CSNK1G1: variants seen among roughly 807,000 people sequenced by gnomAD.
CSNK1G1 encodes casein kinase I isoform gamma-1.
Under a neutral mutation model 59.6 loss-of-function variants are expected in CSNK1G1, and 22 were observed. The ratio of observed to expected loss-of-function variants is 0.37; its 90% CI spans 0.26 to 0.53. The LOEUF (loss-of-function observed/expected upper bound fraction) is 0.53, where lower values mean the gene tolerates loss of function less well. Among genes scored for constraint, CSNK1G1 ranks in the 20% least tolerant of loss-of-function variants. The pLI is 0.89. For synonymous variants in CSNK1G1, 179 were observed against 177.1 expected (o/e 1.01, Z -0.08); for missense variants, 384 against 519.5 (o/e 0.74, Z 2.54).
chr15:64,344,170 C>T (rs966445544), intron 1 of CSNK1G1, among the ~76,000 whole-genome samples: 4 of 152,164 alleles, frequency 2.6e-5, no homozygotes, highest in African/African-American at 9.6e-5. Flanking sequence ...CCATTAAAGA[C>T]TGTTTCAAAA....
chr15:64,318,144 A>C (rs942548760), intron 1 of CSNK1G1, among the ~76,000 whole-genome samples: 5 of 151,696 alleles, frequency 3.3e-5, no homozygotes, highest in African/African-American at 1.2e-4. Context: ...ATTTATATAA[A>C]AATTTTTACA....
At chr15:64,332,954 T>C (rs897884624) in intron 1 of CSNK1G1, among the ~76,000 whole-genome samples, 3 of 152,056 alleles carry the variant, frequency 2.0e-5, no homozygotes, top group Non-Finnish European at 4.4e-5. Flanking sequence ...GAGGGAATAA[T>C]TGAAGAAAAT....
At chr15:64,277,958 T>TGAATAATATATTAATATTGATATATTC (rs1893831828) in intron 2 of CSNK1G1, among the ~76,000 whole-genome samples, 1 of 145,586 alleles carries the variant, frequency 6.9e-6, no homozygotes, top group African/African-American at 2.5e-5. Context: ...TTGATATAGT[T>TGAATAATATATTAATATTGATATATTC]GAATAATATA....
At position 64,216,338 on chromosome 15, in the gene CSNK1G1, G is replaced by A. The variant is rs1009505047; in HGVS notation, c.444+224C>T. Among the ~76,000 whole-genome samples the A allele has an allele frequency of 1.3e-5, 2 of 152,170 alleles. No individual in the cohort carries two copies. The highest frequency in any genetic ancestry group is 1.3e-4 in the Admixed American group (2 of 15,276). ...TATACTTCCTCTTCAGTTAAGGGCA[G>A]AGCATTGCTCCAAGGTGCAAAGTCT... On this transcript the variant is annotated intron_variant, in intron 5 of 11. Coordinates refer to ENST00000303052, the MANE Select transcript of CSNK1G1 (RefSeq NM_022048.5). The surrounding 1 kb of genome is among the most constrained non-coding windows in gnomAD (Gnocchi z 4.6).
At chr15:64,264,136 GATAATCCTAA>G (rs1171837171) in intron 2 of CSNK1G1, among the ~76,000 whole-genome samples, 2 of 152,132 alleles carry the variant, frequency 1.3e-5, no homozygotes, top group Non-Finnish European at 2.9e-5. Context: ...TAAGATTATA[GATAATCCTAA>G]ATGCAAATAT....
At chr15:64,215,225 T>G (rs1443709287) in intron 5 of CSNK1G1, among the ~76,000 whole-genome samples, 1 of 143,446 alleles carries the variant, frequency 7.0e-6, no homozygotes, top group Non-Finnish European at 1.5e-5. Flanking sequence ...TTTTTTTTTT[T>G]TTTTTGAGAT....
chr15:64,169,073 G>T lies in CSNK1G1; in HGVS notation c.*2858C>A, dbSNP rs960684136. 6.6e-6 allele frequency: 1 copy of T among 152,512 alleles called. No individual in the cohort carries two copies. 9.4% of individuals were successfully genotyped at this position (152,512 alleles called of 1,614,324 possible). ...AAAATTTTAAGACAAAAAAAAAGTC[G>T]CAAATCCAGCTGCAAGGCAGCTTGC... On this transcript the variant is annotated 3_prime_UTR_variant, in exon 12 of 12. Transcript: ENST00000303052.
At position 64,300,667 on chromosome 15, in the gene CSNK1G1, T is replaced by G; in HGVS notation, c.-168A>C. ...CTCCGGGAGATGAAAAACCATTTAT[T>G]TGTTCCCGTAGGAAATGTAGTCACT... On this transcript the variant is annotated 5_prime_UTR_variant, in exon 2 of 12. Coordinates refer to ENST00000303052, the MANE Select transcript of CSNK1G1 (RefSeq NM_022048.5). 1 of 1,286,720 alleles carries G rather than the reference T, an allele frequency of 7.8e-7. No homozygotes were observed. The allele number at this position is 1,286,720 out of a possible 1,614,324, so 79.7% of individuals were successfully genotyped here.
At chr15:64,292,325 A>C (rs138613301) in intron 2 of CSNK1G1, among the ~76,000 whole-genome samples, 1,687 of 152,336 alleles carry the variant, frequency 0.011, 17 homozygotes, top group Middle Eastern at 0.031. Context: ...TCACAGAAAT[A>C]AGTGTCTTAC....
At chr15:64,276,267 T>C (rs1268873833) in intron 2 of CSNK1G1, among the ~76,000 whole-genome samples, 1 of 152,158 alleles carries the variant, frequency 6.6e-6, no homozygotes, top group Non-Finnish European at 1.5e-5. Context: ...GCAGAAAAAC[T>C]GGAGTGAATC....
At chr15:64,333,074 T>G (rs1361467114) in intron 1 of CSNK1G1, among the ~76,000 whole-genome samples, 8 of 148,044 alleles carry the variant, frequency 5.4e-5, no homozygotes, top group African/African-American at 2.0e-4. Context: ...CTAGCCAACA[T>G]GGTGAAATCC....
intron 1 of CSNK1G1, among the ~76,000 whole-genome samples, chr15:64,330,046 C>CA (rs1343731978): frequency 6.8e-6 from 1 of 146,042 alleles, no homozygotes; most frequent in African/African-American, 2.5e-5. Flanking sequence ...GTTTACCAAC[C>CA]AAAAAGAGTC....
intron 2 of CSNK1G1, among the ~76,000 whole-genome samples, chr15:64,270,313 T>C (rs1181436557): frequency 1.3e-5 from 2 of 152,230 alleles, no homozygotes; most frequent in Admixed American, 1.3e-4. Flanking sequence ...GGTTCATCTC[T>C]GATTTTGGTT....
chr15:64,248,147 G>C (rs1308984878), intron 4 of CSNK1G1, among the ~76,000 whole-genome samples: 2 of 152,124 alleles, frequency 1.3e-5, no homozygotes, highest in Non-Finnish European at 2.9e-5. Flanking sequence ...TGGCATATGC[G>C]CACTGGCTGC....
chr15:64,316,323 G>A (rs962137607), intron 1 of CSNK1G1, among the ~76,000 whole-genome samples: 2 of 152,008 alleles, frequency 1.3e-5, no homozygotes, highest in Non-Finnish European at 2.9e-5. Flanking sequence ...CATCACTTGA[G>A]GCCAGGAGTT....
chr15:64,268,482 A>G (rs1893101238), intron 2 of CSNK1G1, among the ~76,000 whole-genome samples: 1 of 152,212 alleles, frequency 6.6e-6, no homozygotes, highest in Admixed American at 6.5e-5. Context: ...GAGAAAAAAA[A>G]TCAATTCCCA....
rs945156270 is a variant in CSNK1G1 at position 64,167,568 on chromosome 15, T to C, written c.*4363A>G. On this transcript the variant is annotated 3_prime_UTR_variant, in exon 12 of 12. Transcript: ENST00000303052. ...GTTTCTGGAATTCATCTGCCCACCATAGGGCAATGGTGGGGATGGTGGCAG... is the reference window on the plus strand; with the variant it reads ...GTTTCTGGAATTCATCTGCCCACCACAGGGCAATGGTGGGGATGGTGGCAG... 13 of 152,786 alleles carry C rather than the reference T, an allele frequency of 8.5e-5. No homozygotes were observed. The highest frequency in any genetic ancestry group is 3.1e-4 in the African/African-American group (13 of 41,580). 9.5% of individuals were successfully genotyped at this position (152,786 alleles called of 1,614,324 possible).
chr15:64,204,728 G>A, intron 8 of CSNK1G1, 137 bp downstream of exon 8: 6 of 1,178,472 alleles, frequency 5.1e-6, no homozygotes, highest in South Asian at 1.3e-5. Context: ...AAATAAAAGT[G>A]ATAAAACCTA....
intron 1 of CSNK1G1, 116 bp downstream of exon 1, chr15:64,355,872 G>A (rs1898641234): frequency 6.7e-6 from 1 of 150,334 alleles, no homozygotes; most frequent in Non-Finnish European, 1.5e-5. Flanking sequence ...CGCCCCACCC[G>A]GGATCACGGC....
Sources: gnomAD v4.1 joint callset for allele counts (sites outside exome capture counted in the v4.1 genomes callset) on GRCh38, gnomAD v4.1.1 for gene constraint, Gnocchi (gnomAD v3.1) non-coding constraint, MANE v1.5 for transcripts, NCBI Gene and HGNC (gene_info 2026-07-23, HGNC 2026-07-21) for gene names.